The following TMEM132D variants were observed in gnomAD, a reference collection of about 807,000 sequenced individuals.
TMEM132D encodes mature OL transmembrane protein.
In TMEM132D, 21 loss-of-function variants were observed where a neutral mutation model predicts 62.3. That is an observed-to-expected ratio of 0.34 (90% confidence interval 0.24 to 0.49). The LOEUF is 0.49. Ranked by LOEUF, TMEM132D falls within the 20% of genes least tolerant of loss-of-function variation. The pLI is 0.99. For synonymous variants in TMEM132D, 621 were observed against 575.6 expected (o/e 1.08, Z -1.13); for missense variants, 1,346 against 1,402.8 (o/e 0.96, Z 0.65).
chr12:129,544,869 T>C (rs1464954764), intron 2 of TMEM132D, among the ~76,000 whole-genome samples: 1 of 152,254 alleles, frequency 6.6e-6, no homozygotes, highest in Admixed American at 6.5e-5. Flanking sequence ...TCTCTGAGAC[T>C]ATGATAACTG....
intron 2 of TMEM132D, among the ~76,000 whole-genome samples, chr12:129,624,964 G>A (rs995323126): frequency 8.5e-5 from 13 of 152,232 alleles, no homozygotes; most frequent in African/African-American, 3.1e-4. Flanking sequence ...TCCCTCTGGC[G>A]ACGTGTGAGC....
chr12:129,751,734 A>G (rs1414562933), intron 1 of TMEM132D, among the ~76,000 whole-genome samples: 2 of 152,238 alleles, frequency 1.3e-5, no homozygotes, highest in Non-Finnish European at 1.5e-5. Context: ...CAACAAAGCC[A>G]TGTCTGCATA....
At chr12:129,422,942 G>GGAATACTA (rs140409832) in intron 3 of TMEM132D, among the ~76,000 whole-genome samples, 1 of 149,616 alleles carries the variant, frequency 6.7e-6, no homozygotes, top group Non-Finnish European at 1.5e-5. Flanking sequence ...ATAAAACCAA[G>GGAATACTA]GAAAACTAGA....
chr12:129,714,799 T>C lies in TMEM132D; in HGVS notation c.80-14101A>G, dbSNP rs562378715. Among the ~76,000 whole-genome samples the C allele has an allele frequency of 2.0e-5, 3 of 152,250 alleles. No individual in the cohort carries two copies. In the South Asian group the frequency reaches 6.2e-4, roughly 32 times the overall value. On this transcript the variant is annotated intron_variant, in intron 1 of 8. Transcript: ENST00000422113. ...AGTCATTGAAGAAAATAACTCAGAG[T>C]TCTGTCTCACGGTCGGAAGCCCACA...
At chr12:129,708,953 C>T (rs1392355725) in intron 1 of TMEM132D, among the ~76,000 whole-genome samples, 5 of 152,152 alleles carry the variant, frequency 3.3e-5, no homozygotes, top group African/African-American at 1.2e-4. Context: ...CAGGGAACGA[C>T]TGTATCAGAA....
intron 5 of TMEM132D, chr12:129,085,785 C>T (rs1370950172): frequency 6.6e-6 from 1 of 152,226 alleles, no homozygotes; most frequent in African/African-American, 2.4e-5. Context: ...CTACCTGGTG[C>T]AAGAGGGCTC....
intron 4 of TMEM132D, among the ~76,000 whole-genome samples, chr12:129,246,793 C>T (rs1880132288): frequency 6.6e-6 from 1 of 151,306 alleles, no homozygotes. Context: ...AGAAAGTAGG[C>T]ACATGGTATC....
intron 3 of TMEM132D, among the ~76,000 whole-genome samples, chr12:129,340,167 C>G (rs1320124005): frequency 6.6e-6 from 1 of 152,148 alleles, no homozygotes; most frequent in East Asian, 1.9e-4. Context: ...TGTAACCTTA[C>G]GTGATTGTTC....
chr12:129,112,049 C>T (rs778456579), intron 5 of TMEM132D, among the ~76,000 whole-genome samples: 1 of 152,154 alleles, frequency 6.6e-6, no homozygotes, highest in Non-Finnish European at 1.5e-5. Context: ...TTCCTGGCTC[C>T]GTAGCCTCTT....
chr12:129,083,378 C>T (rs1794943485), intron 6 of TMEM132D, among the ~76,000 whole-genome samples: 1 of 152,246 alleles, frequency 6.6e-6, no homozygotes, highest in African/African-American at 2.4e-5. Flanking sequence ...CTGAACCAGG[C>T]AGCTGTGACA....
chr12:129,242,293 A>G (rs1430130335), intron 4 of TMEM132D, among the ~76,000 whole-genome samples: 1 of 152,244 alleles, frequency 6.6e-6, no homozygotes, highest in Non-Finnish European at 1.5e-5. Context: ...GCAAAGTTGT[A>G]GAAGCATATT....
At chr12:129,198,574 T>C (rs1023131551) in intron 5 of TMEM132D, among the ~76,000 whole-genome samples, 1 of 152,212 alleles carries the variant, frequency 6.6e-6, no homozygotes. Flanking sequence ...AGACAAATAC[T>C]GCATGTTCTC....
chr12:129,116,153 G>A (rs1404702374), intron 5 of TMEM132D, among the ~76,000 whole-genome samples: 1 of 152,214 alleles, frequency 6.6e-6, no homozygotes, highest in Non-Finnish European at 1.5e-5. Context: ...CATCTATGGA[G>A]CTGAGAAGCT....
chr12:129,814,248 C>G (rs1168866632), intron 1 of TMEM132D, among the ~76,000 whole-genome samples: 2 of 152,154 alleles, frequency 1.3e-5, no homozygotes, highest in Non-Finnish European at 2.9e-5. Flanking sequence ...AAACTGGTAT[C>G]ACCACTGAAC....
At chr12:129,771,690 T>C (rs1018284118) in intron 1 of TMEM132D, among the ~76,000 whole-genome samples, 6 of 152,244 alleles carry the variant, frequency 3.9e-5, no homozygotes, top group Non-Finnish European at 2.9e-5. Flanking sequence ...GCACTTGGCA[T>C]CTGACAGCCA....
chr12:129,447,005 C>G (rs541330446), intron 3 of TMEM132D, among the ~76,000 whole-genome samples: 1 of 152,290 alleles, frequency 6.6e-6, no homozygotes, highest in East Asian at 1.9e-4. Context: ...AAATCTAAAA[C>G]AAGCTAATCT....
rs146898205 is a variant in TMEM132D at position 129,606,623 on chromosome 12, C to T, written c.969-75418G>A. On this transcript the variant is annotated intron_variant, in intron 2 of 8. Transcript: ENST00000422113. Reference sequence around the variant, plus strand: ...CACTCCAACCCCAATACAGGCACTACAGAAAACACCTGAAACTTAGAAGCA... The same window carrying T: ...CACTCCAACCCCAATACAGGCACTATAGAAAACACCTGAAACTTAGAAGCA... Among the ~76,000 whole-genome samples the T allele has an allele frequency of 1.3e-3, 194 of 152,242 alleles. No homozygotes were observed. The East Asian group carries it at 0.034, about 27-fold the overall frequency.
chr12:129,245,468 C>G (rs142450738), intron 4 of TMEM132D, among the ~76,000 whole-genome samples: 1 of 151,940 alleles, frequency 6.6e-6, no homozygotes, highest in East Asian at 1.9e-4. Flanking sequence ...TAAGGGACAT[C>G]TTGGTTGCTT....
chr12:129,625,492 G>A (rs1879188911), intron 2 of TMEM132D, among the ~76,000 whole-genome samples: 4 of 152,120 alleles, frequency 2.6e-5, no homozygotes, highest in Admixed American at 2.6e-4. Context: ...ACCTCCTGAA[G>A]CCCAGAATTT....
Sources: allele counts gnomAD v4.1 joint callset (sites outside exome capture counted in the v4.1 genomes callset), GRCh38; gene constraint gnomAD v4.1.1; transcripts MANE v1.5; gene names NCBI Gene and HGNC (gene_info 2026-07-23, HGNC 2026-07-21).